Variants in SCAPER observed in about 807,000 individuals in gnomAD.
SCAPER encodes S phase cyclin A-associated protein in the endoplasmic reticulum.
In SCAPER, 98 loss-of-function variants were observed where a neutral mutation model predicts 182.2. The observed-to-expected ratio is 0.54, with a 90% CI of 0.46 to 0.64. SCAPER has a LOEUF of 0.64. SCAPER is among the 30% of genes least tolerant of loss of function. The pLI, the probability that SCAPER is intolerant of heterozygous loss-of-function variation, is 0.00. For missense variants in SCAPER, 1,432 were observed against 1,690.0 expected, an observed-to-expected ratio of 0.85 and a Z score of 2.68; for synonymous variants, 605 against 564.6, an observed-to-expected ratio of 1.07 and a Z score of -1.01.
Position 76,728,714 on chromosome 15 carries a change from T to G in SCAPER, c.2046A>C (p.Ala682=). 6.2e-7 allele frequency: 1 copy of G among 1,613,418 alleles called. No homozygotes were observed. The change falls in exon 17 of 32, where the codon GCA becomes GCC. Residue 682 remains alanine (A), a synonymous_variant. Coordinates refer to ENST00000563290, the MANE Select transcript of SCAPER (RefSeq NM_020843.4). ...ATTCTTCTACACGGGCCTGCCGCTC[T>G]GCCTCTAGAGCTCTCTTGCGTTCCT... ...AVQERKRALE[A]ERQARVEELL...
At chr15:76,671,394 C>T in intron 20 of SCAPER, among the ~76,000 whole-genome samples, 1 of 152,096 alleles carries the variant, frequency 6.6e-6, no homozygotes, top group East Asian at 1.9e-4. Context: ...TCTCCATATA[C>T]AAACATAAAG....
chr15:76,427,085 G>T (rs918338453), intron 26 of SCAPER, among the ~76,000 whole-genome samples: 2 of 152,090 alleles, frequency 1.3e-5, no homozygotes, highest in African/African-American at 4.8e-5. Context: ...AGTTAAAAAT[G>T]TAAATGTAAA....
chr15:76,487,713 AG>A, intron 24 of SCAPER, among the ~76,000 whole-genome samples: 1 of 152,186 alleles, frequency 6.6e-6, no homozygotes, highest in Non-Finnish European at 1.5e-5. Context: ...AAAAACCTCT[AG>A]GATTTAGATA....
At chr15:76,653,683 C>G (rs918468663) in intron 21 of SCAPER, among the ~76,000 whole-genome samples, 1 of 152,210 alleles carries the variant, frequency 6.6e-6, no homozygotes, top group South Asian at 2.1e-4. Flanking sequence ...TGGACCCCTA[C>G]TTTTCACCAG....
chr15:76,778,013 ACTATACT>A, intron 8 of SCAPER, among the ~76,000 whole-genome samples: 1 of 152,310 alleles, frequency 6.6e-6, no homozygotes, highest in African/African-American at 2.4e-5. Flanking sequence ...TTTAATGAAT[ACTATACT>A]GATAGTGAAA....
chr15:76,621,688 T>A (rs1414998812), intron 22 of SCAPER, 76 bp downstream of exon 22: 3 of 1,172,594 alleles, frequency 2.6e-6, no homozygotes, highest in African/African-American at 3.1e-5. Flanking sequence ...ATTACAGACA[T>A]AACATGATGG....
At chr15:76,440,905 T>C (rs2047523588) in intron 25 of SCAPER, among the ~76,000 whole-genome samples, 1 of 134,194 alleles carries the variant, frequency 7.5e-6, no homozygotes, top group South Asian at 2.4e-4. Flanking sequence ...ATTCCCCTTC[T>C]GGTTTTTTTT....
chr15:76,732,968 C>T (rs2061012438), intron 16 of SCAPER, among the ~76,000 whole-genome samples: 1 of 152,200 alleles, frequency 6.6e-6, no homozygotes. Context: ...TTGGAGATGG[C>T]TCACACGCCT....
intron 22 of SCAPER, among the ~76,000 whole-genome samples, chr15:76,607,450 T>C (rs970051569): frequency 6.6e-6 from 1 of 152,238 alleles, no homozygotes; most frequent in African/African-American, 2.4e-5. Flanking sequence ...GCTCTTAACA[T>C]TTTTTCCTTC....
chr15:76,379,142 A>G (rs930099218), intron 28 of SCAPER, among the ~76,000 whole-genome samples: 2 of 152,234 alleles, frequency 1.3e-5, no homozygotes, highest in Admixed American at 1.3e-4. Context: ...CCCCGATGCT[A>G]GAAATTCTGG....
At chr15:76,558,826 C>T (rs2046379767) in intron 23 of SCAPER, among the ~76,000 whole-genome samples, 1 of 152,082 alleles carries the variant, frequency 6.6e-6, no homozygotes, top group Non-Finnish European at 1.5e-5. Context: ...TACACACATA[C>T]ATACACACAC....
chr15:76,470,201 C>A (rs1417055071), intron 25 of SCAPER, among the ~76,000 whole-genome samples: 1 of 152,172 alleles, frequency 6.6e-6, no homozygotes, highest in Admixed American at 6.5e-5. Context: ...GTGCCAGGTC[C>A]TATGTTAGAA....
chr15:76,772,826 C>G (rs150787433), intron 9 of SCAPER, among the ~76,000 whole-genome samples: 3 of 151,892 alleles, frequency 2.0e-5, no homozygotes, highest in African/African-American at 7.2e-5. Flanking sequence ...AGTCAAAGAA[C>G]TAAAATCTAA....
chr15:76,466,733 T>A (rs1281890802), intron 25 of SCAPER, among the ~76,000 whole-genome samples: 1 of 148,348 alleles, frequency 6.7e-6, no homozygotes, highest in East Asian at 2.1e-4. Flanking sequence ...ACTAATGAGC[T>A]CAGCTAGGGG....
intron 29 of SCAPER, among the ~76,000 whole-genome samples, chr15:76,363,651 C>T (rs2141760004): frequency 6.6e-6 from 1 of 152,248 alleles, no homozygotes; most frequent in South Asian, 2.1e-4. Flanking sequence ...TTTACTTTTT[C>T]CCTTGTCAGA....
At chr15:76,367,914 GA>G (rs887586343) in intron 29 of SCAPER, among the ~76,000 whole-genome samples, 3 of 149,624 alleles carry the variant, frequency 2.0e-5, no homozygotes, top group East Asian at 3.9e-4. Context: ...TCTACTTTTG[GA>G]AAAAAAAACC....
intron 27 of SCAPER, among the ~76,000 whole-genome samples, chr15:76,401,371 C>T (rs995667515): frequency 3.9e-5 from 6 of 152,144 alleles, no homozygotes; most frequent in African/African-American, 7.2e-5. Flanking sequence ...TCTACTCCCT[C>T]GTAATGTATT....
intron 20 of SCAPER, among the ~76,000 whole-genome samples, chr15:76,700,217 A>G (rs2058863969): frequency 6.6e-6 from 1 of 152,214 alleles, no homozygotes; most frequent in Non-Finnish European, 1.5e-5. Context: ...ACGGACAATA[A>G]TGGCCAAAGC....
In SCAPER at chr15:76,809,400, C is replaced by T. The variant is rs544581417; in HGVS notation, c.394-4767G>A. ...GCATAAAACTAGCTAAAAATTTCTG[C>T]CAAGAGACAGAAAATACAAAAAGTA... On this transcript the variant is annotated intron_variant, in intron 5 of 31. Coordinates refer to ENST00000563290, the MANE Select transcript of SCAPER (RefSeq NM_020843.4). Among the ~76,000 whole-genome samples, 6 of 151,602 alleles carry T rather than the reference C, an allele frequency of 4.0e-5. 1 individual carries two copies. The highest frequency in any genetic ancestry group is 1.4e-4 in the African/African-American group (6 of 41,442).
Sources: allele counts gnomAD v4.1 joint callset (sites outside exome capture counted in the v4.1 genomes callset), GRCh38; gene constraint gnomAD v4.1.1; transcripts MANE v1.5; gene names NCBI Gene and HGNC (gene_info 2026-07-23, HGNC 2026-07-21).